BCL7B: variants seen among roughly 807,000 people sequenced by gnomAD.
BCL7B encodes B-cell CLL/lymphoma 7 protein family member B.
BCL7B carries 11 observed loss-of-function variants against 26.5 expected under a neutral mutation model. The observed-to-expected ratio is 0.42, with a 90% confidence interval of 0.26 to 0.69. The LOEUF (loss-of-function observed/expected upper bound fraction) is 0.69. Among genes scored for constraint, BCL7B ranks in the 30% least tolerant of loss-of-function variants. BCL7B has a pLI of 0.28. For missense variants in BCL7B, 215 were observed against 264.4 expected (o/e 0.81, Z 1.30); for synonymous variants, 111 against 107.9 (o/e 1.03, Z -0.18).
chr7:73,556,835 G>A (rs1554584762), intron 1 of BCL7B, among the ~76,000 whole-genome samples: 2 of 152,196 alleles, frequency 1.3e-5, no homozygotes, highest in African/African-American at 4.8e-5. Flanking sequence ...AACGGACTGG[G>A]GAATGAACAA....
intron 3 of BCL7B, 71 bp downstream of exon 3, chr7:73,543,477 C>A: frequency 6.9e-7 from 1 of 1,444,222 alleles, no homozygotes; most frequent in Non-Finnish European, 9.7e-7. Context: ...TGCACCTGGC[C>A]AATTCTTCTT....
At position 73,543,532 on chromosome 7, in the gene BCL7B, CAG is replaced by C; in HGVS notation, c.265+14_265+15del. 2 of 1,607,008 alleles carry C rather than the reference CAG, an allele frequency of 1.2e-6. No individual in the cohort carries two copies. The highest frequency in any genetic ancestry group is 2.2e-5 in the South Asian group (2 of 90,924). On this transcript the variant is annotated intron_variant, in intron 3 of 5. Transcript: ENST00000223368. ...TTTTCATTCTCCTGCAAGGAAGACACAGAGATGCAACTCACCCTGGAATTCAA... is the reference window on the plus strand; with the variant it reads ...TTTTCATTCTCCTGCAAGGAAGACACAGATGCAACTCACCCTGGAATTCAA...
rs1185621706 is a variant in BCL7B at position 73,540,829 on chromosome 7, C to CAAAGAAAA, written c.266-778_266-777insTTTTCTTT. On this transcript the variant is annotated intron_variant, in intron 3 of 5. Transcript: ENST00000223368. Reference sequence around the variant, plus strand: ...TGAGCAACAGAGCGAGACTCTGTCTCAAAAAAAAAAAAAAAAAAAAAAAAA... The same window carrying CAAAGAAAA: ...TGAGCAACAGAGCGAGACTCTGTCTCAAAGAAAAAAAAAAAAAAAAAAAAAAAAAAAAA... Among the ~76,000 whole-genome samples, 60 of 50,940 alleles carry CAAAGAAAA rather than the reference C, an allele frequency of 1.2e-3. 3 individuals are homozygous for CAAAGAAAA. The highest frequency in any genetic ancestry group is 4.7e-3 in the African/African-American group (58 of 12,396). 33.4% of individuals were successfully genotyped at this position (50,940 alleles called of 152,430 possible).
At chr7:73,541,294 T>G (rs192218219) in intron 3 of BCL7B, among the ~76,000 whole-genome samples, 6 of 152,096 alleles carry the variant, frequency 3.9e-5, no homozygotes, top group Admixed American at 6.6e-5. Flanking sequence ...TCCTACTGCT[T>G]CAGTTCAAGC....
chr7:73,544,576 A>C (rs1235487657), intron 2 of BCL7B, among the ~76,000 whole-genome samples: 1 of 152,108 alleles, frequency 6.6e-6, no homozygotes, highest in Non-Finnish European at 1.5e-5. Flanking sequence ...CAGTGAGCCA[A>C]GATTCTGCCA....
At chr7:73,540,164 G>A in intron 3 of BCL7B, 112 bp from the exon 4 acceptor site, 2 of 1,142,050 alleles carry the variant, frequency 1.8e-6, no homozygotes, top group Non-Finnish European at 2.5e-6. Flanking sequence ...GGATACAACT[G>A]AGTATAATAA....
chr7:73,552,781 G>T (rs952196049), intron 1 of BCL7B, among the ~76,000 whole-genome samples: 11 of 149,540 alleles, frequency 7.4e-5, no homozygotes, highest in Admixed American at 7.3e-4. Flanking sequence ...TGTCTCAAAA[G>T]AAAGAAAGAA....
At chr7:73,550,645 T>G (rs199843918) in intron 2 of BCL7B, among the ~76,000 whole-genome samples, 11 of 1,154 alleles carry the variant, frequency 9.5e-3, no homozygotes, top group East Asian at 0.5. Flanking sequence ...TTTTTTTTTG[T>G]TTTTTTTTTG....
intron 5 of BCL7B, 102 bp from the exon 6 acceptor site, chr7:73,537,492 AGAT>A: frequency 1.2e-6 from 1 of 853,104 alleles, no homozygotes; most frequent in Non-Finnish European, 1.9e-6. Flanking sequence ...TCCTTCCAGC[AGAT>A]GATCAAACAT....
intron 1 of BCL7B, among the ~76,000 whole-genome samples, chr7:73,555,968 A>G (rs1202659949): frequency 6.6e-6 from 1 of 152,170 alleles, no homozygotes; most frequent in Non-Finnish European, 1.5e-5. Flanking sequence ...AATGAGCAAG[A>G]GCAGAAGCAG....
intron 2 of BCL7B, among the ~76,000 whole-genome samples, chr7:73,548,638 A>T (rs1410892032): frequency 6.6e-5 from 10 of 151,856 alleles, no homozygotes; most frequent in East Asian, 1.9e-4. Flanking sequence ...ATAATAATAA[A>T]AAAAGGAGCA....
rs375188327 is a variant in BCL7B at position 73,539,865 on chromosome 7, G to T, written c.436+17C>A. ...AGGCCCTTCTAGGAAACTCATCCTC[G>T]GCCAACCACGACTCACCCTCCAGGA... On this transcript the variant is annotated intron_variant, in intron 4 of 5. Transcript: ENST00000223368. The T allele has an allele frequency of 1.2e-6, 2 of 1,608,082 alleles. No individual in the cohort carries two copies. Among genetic ancestry groups the T allele is most frequent in the South Asian group, 2.2e-5 (2 of 90,978 alleles).
chr7:73,537,313 C>T lies in BCL7B; in HGVS notation c.594G>A (p.Thr198=), dbSNP rs782191578. ...FCVDQPTVPQ[T]ASES is the part of the protein sequence containing the mutation. ...CGGGATGGTGCTAGCTTTCTGACGC[C>T]GTCTGCGGCACTGTGGGTTGGTCCA... Residue 198 remains threonine, a synonymous_variant, in exon 6 of 6, where the codon ACG becomes ACA. Transcript: ENST00000223368. The T allele has an allele frequency of 8.7e-6, 14 of 1,614,054 alleles. No homozygotes were observed. The highest frequency in any genetic ancestry group is 4.5e-5 in the East Asian group (2 of 44,878).
intron 4 of BCL7B, 82 bp downstream of exon 4, chr7:73,539,800 C>A: frequency 6.5e-7 from 1 of 1,531,904 alleles, no homozygotes; most frequent in South Asian, 1.2e-5. Context: ...TCTCTCGAGC[C>A]TGTTACTCTA....
At chr7:73,546,059 G>A (rs1791942513) in intron 2 of BCL7B, among the ~76,000 whole-genome samples, 1 of 150,956 alleles carries the variant, frequency 6.6e-6, no homozygotes, top group Non-Finnish European at 1.5e-5. Flanking sequence ...GTGAACCCAG[G>A]AGGCAGAGCT....
At chr7:73,540,876 G>A (rs556091500) in intron 3 of BCL7B, among the ~76,000 whole-genome samples, 2 of 140,346 alleles carry the variant, frequency 1.4e-5, no homozygotes, top group Non-Finnish European at 3.0e-5. Context: ...GCCGAGTGCA[G>A]TGGCTCACGC....
At chr7:73,547,028 T>C (rs1249087979) in intron 2 of BCL7B, among the ~76,000 whole-genome samples, 1 of 151,892 alleles carries the variant, frequency 6.6e-6, no homozygotes, top group East Asian at 1.9e-4. Flanking sequence ...CTGGGCATGG[T>C]GAGGCAAGCG....
chr7:73,545,905 G>T (rs2115776484), intron 2 of BCL7B, among the ~76,000 whole-genome samples: 1 of 152,176 alleles, frequency 6.6e-6, no homozygotes, highest in Non-Finnish European at 1.5e-5. Context: ...GCCGAGGTGG[G>T]CCGATCACGA....
rs577222125 is a variant in BCL7B, at chr7:73,545,216, TTTTG to T, written c.169-1576_169-1573del. Among the ~76,000 whole-genome samples the T allele has an allele frequency of 2.2e-3, 328 of 152,214 alleles. 1 individual carries two copies. The highest frequency in any genetic ancestry group is 3.3e-3 in the Non-Finnish European group (222 of 68,008). On this transcript the variant is annotated intron_variant, in intron 2 of 5. Transcript: ENST00000223368. ...CGTAATTTTTGTTAATAACTCAATT[TTTTG>T]TTTGTTTTTTGAGACAGAGTCTTGC... is the stretch of plus-strand genomic sequence containing the variant.
Sources: gnomAD v4.1 joint callset for allele counts (sites outside exome capture counted in the v4.1 genomes callset) on GRCh38, gnomAD v4.1.1 for gene constraint, MANE v1.5 for transcripts, NCBI Gene and HGNC (gene_info 2026-07-23, HGNC 2026-07-21) for gene names.